Variants in PKD2L1 observed in about 807,000 individuals in gnomAD.
PKD2L1 encodes the protein polycystin 2 like 1, transient receptor potential cation channel.
PKD2L1 carries 77 observed loss-of-function variants against 93.0 expected under a neutral mutation model. The ratio of observed to expected loss-of-function variants is 0.83; its 90% CI spans 0.69 to 1.00. The LOEUF is 1.00. Among genes scored for constraint, PKD2L1 ranks in the 50% least tolerant of loss-of-function variants. The pLI, the probability that PKD2L1 is intolerant of heterozygous loss-of-function variation, is 0.00. For missense variants in PKD2L1, 977 were observed against 990.9 expected (o/e 0.99, Z 0.19); for synonymous variants, 390 against 388.0 (o/e 1.01, Z -0.06).
intron 14 of PKD2L1, among the ~76,000 whole-genome samples, 166 bp from the exon 15 acceptor site, chr10:100,289,222 G>T (rs12765052): frequency 0.075 from 11,467 of 152,242 alleles, 583 homozygotes; most frequent in African/African-American, 0.14. Context: ...ATTAGGAGGT[G>T]GGGCCTTTGG....
chr10:100,323,429 C>T (rs368080647), intron 2 of PKD2L1, among the ~76,000 whole-genome samples: 11 of 152,128 alleles, frequency 7.2e-5, no homozygotes, highest in East Asian at 1.9e-4. Flanking sequence ...CCACCACACG[C>T]GACTAATTTT....
At chr10:100,321,321 G>A (rs540619526) in intron 2 of PKD2L1, among the ~76,000 whole-genome samples, 4 of 152,094 alleles carry the variant, frequency 2.6e-5, no homozygotes, top group African/African-American at 7.2e-5. Flanking sequence ...TTAACCAGGC[G>A]TGGTGGCACA....
Position 100,292,443 on chromosome 10 carries a change from A to G in PKD2L1, c.1880+505T>C, listed in dbSNP as rs181542981. On this transcript the variant is annotated intron_variant, in intron 11 of 15. Transcript: ENST00000318222. Reference sequence around the variant, plus strand: ...GGGAAGCTGAGGTTGCAGTGAGCCGAGATTGTGCAACTGCACTCCAGCCTG... The same window carrying G: ...GGGAAGCTGAGGTTGCAGTGAGCCGGGATTGTGCAACTGCACTCCAGCCTG... 1.8e-4 allele frequency among the ~76,000 whole-genome samples: 27 copies of G among 151,768 alleles called. No individual in the cohort carries two copies. The East Asian group carries it at 5.2e-3, about 29-fold the overall frequency.
Position 100,328,529 on chromosome 10 carries a change from TATA to T in PKD2L1, c.349+679_349+681del, listed in dbSNP as rs577124955. Among the ~76,000 whole-genome samples, 8 of 152,252 alleles carry T rather than the reference TATA, an allele frequency of 5.3e-5. No individual in the cohort carries two copies. The South Asian group carries it at 1.4e-3, about 28-fold the overall frequency. On this transcript the variant is annotated intron_variant, in intron 2 of 15. Coordinates refer to ENST00000318222, the MANE Select transcript of PKD2L1 (RefSeq NM_016112.3). Reference sequence around the variant, plus strand: ...CTAAAGAAACATGCATCGGATATAGTATAATAACTACGTGAAGCCCACCAAACT... The same window carrying T: ...CTAAAGAAACATGCATCGGATATAGTATAACTACGTGAAGCCCACCAAACT...
chr10:100,291,506 T>C, intron 11 of PKD2L1, 79 bp from the exon 12 acceptor site: 14 of 1,481,336 alleles, frequency 9.5e-6, no homozygotes, highest in Non-Finnish European at 1.3e-5. Flanking sequence ...ACTCTTTTGC[T>C]TGACTCTGGC....
intron 2 of PKD2L1, among the ~76,000 whole-genome samples, chr10:100,310,207 A>T (rs1302525508): frequency 6.6e-6 from 1 of 152,086 alleles, no homozygotes; most frequent in East Asian, 1.9e-4. Context: ...GGTGGCACAC[A>T]TCTGTAGCCC....
chr10:100,323,215 G>C (rs543042295), intron 2 of PKD2L1, among the ~76,000 whole-genome samples: 293 of 152,210 alleles, frequency 1.9e-3, no homozygotes, highest in African/African-American at 6.8e-3. Flanking sequence ...AATTTTGAAA[G>C]GTAATTTTAT....
intron 2 of PKD2L1, among the ~76,000 whole-genome samples, chr10:100,312,917 A>G (rs1848966011): frequency 6.6e-6 from 1 of 151,818 alleles, no homozygotes. Context: ...ACCTCGAGAC[A>G]TAGCATGAAC....
At chr10:100,297,896 CAG>C (rs1848588058) in intron 4 of PKD2L1, among the ~76,000 whole-genome samples, 1 of 152,000 alleles carries the variant, frequency 6.6e-6, no homozygotes, top group African/African-American at 2.4e-5. Context: ...CTATAAATGA[CAG>C]AACTGAAACT....
At chr10:100,329,842 C>T (rs751020758) in intron 1 of PKD2L1, 27 bp downstream of exon 1, 1 of 1,474,280 alleles carries the variant, frequency 6.8e-7, no homozygotes, top group Admixed American at 1.8e-5. Flanking sequence ...TCTAATATCC[C>T]AGGAGAACTG....
Position 100,293,024 on chromosome 10 carries a change from C to G in PKD2L1, c.1804G>C (p.Val602Leu). 1.2e-6 allele frequency: 2 copies of G among 1,614,194 alleles called. No homozygotes were observed. Among genetic ancestry groups the G allele is most frequent in the Non-Finnish European group, 8.5e-7 (1 of 1,180,024 alleles). ...LLRLRLRKER[V>L]SDVQKVLQGG... The stretch of plus-strand genomic sequence containing the variant: ...TGCAGGACCTTCTGCACATCCGAAA[C>G]CCTCTCCTTCCTCAGACGCAGTCTT... Residue 602 changes from valine (V) to leucine (L), a missense_variant, in exon 11 of 16, where the codon GTT (valine) becomes CTT (leucine). Coordinates refer to ENST00000318222, the MANE Select transcript of PKD2L1 (RefSeq NM_016112.3).
chr10:100,318,463 C>G (rs1849150712), intron 2 of PKD2L1, among the ~76,000 whole-genome samples: 3 of 152,010 alleles, frequency 2.0e-5, no homozygotes, highest in Admixed American at 6.6e-5. Context: ...CTTACATCAG[C>G]AGTACTCCAG....
intron 2 of PKD2L1, among the ~76,000 whole-genome samples, chr10:100,304,913 A>G (rs1403464449): frequency 6.6e-6 from 1 of 152,218 alleles, no homozygotes. Flanking sequence ...TCTGCCACTT[A>G]CAGTATAGAC....
At chr10:100,288,545 T>A in intron 15 of PKD2L1, 67 bp from the exon 16 acceptor site, 1 of 953,962 alleles carries the variant, frequency 1.0e-6, no homozygotes, top group Non-Finnish European at 1.7e-6. Flanking sequence ...AGGATAAGAA[T>A]AGGATTCACT....
At chr10:100,308,467 T>C (rs7898128) in intron 2 of PKD2L1, among the ~76,000 whole-genome samples, 7,479 of 152,032 alleles carry the variant, frequency 0.049, 623 homozygotes, top group African/African-American at 0.17. Flanking sequence ...CCCAGGTAGC[T>C]AGGATTACAG....
chr10:100,329,345 G>A, intron 1 of PKD2L1, 21 bp from the exon 2 acceptor site: 1 of 1,614,040 alleles, frequency 6.2e-7, no homozygotes, highest in Non-Finnish European at 8.5e-7. Context: ...TGGGAGAGAT[G>A]CCTGGGATGC....
chr10:100,325,977 CT>C (rs1849370699), intron 2 of PKD2L1, among the ~76,000 whole-genome samples: 1 of 152,210 alleles, frequency 6.6e-6, no homozygotes, highest in African/African-American at 2.4e-5. Flanking sequence ...ACATAGTCGA[CT>C]TCAGAGCCTC....
intron 2 of PKD2L1, among the ~76,000 whole-genome samples, chr10:100,318,542 AGAATCTTG>A (rs1849153976): frequency 6.8e-6 from 1 of 147,024 alleles, no homozygotes; most frequent in African/African-American, 2.5e-5. Flanking sequence ...TTTTTTAGGC[AGAATCTTG>A]CTCTGTCACC....
At chr10:100,289,304 A>C (rs1809105) in intron 14 of PKD2L1, among the ~76,000 whole-genome samples, 34,197 of 152,014 alleles carry the variant, frequency 0.22, 7,034 homozygotes, top group African/African-American at 0.55. Flanking sequence ...CTTTGGGAGG[A>C]CGAGGTGGGT....
Sources: gnomAD v4.1 joint callset for allele counts (sites outside exome capture counted in the v4.1 genomes callset) on GRCh38, gnomAD v4.1.1 for gene constraint, MANE v1.5 for transcripts, NCBI Gene and HGNC (gene_info 2026-07-23, HGNC 2026-07-21) for gene names.